Variants in NCOR1 observed in about 807,000 individuals in gnomAD.
NCOR1 encodes protein phosphatase 1, regulatory subunit 109.
A neutral mutation model predicts 288.1 loss-of-function variants in NCOR1; 63 were observed. The ratio of observed to expected loss-of-function variants is 0.22; its 90% CI spans 0.18 to 0.27. The LOEUF is 0.27. NCOR1 is among the 10% of genes least tolerant of loss of function. NCOR1 has a pLI of 1.00. For synonymous variants in NCOR1, 1,007 were observed against 1,065.9 expected (o/e 0.94, Z 1.08); for missense variants, 2,397 against 3,019.2 (o/e 0.79, Z 4.83).
At chr17:16,155,146 G>A (rs1242935720) in intron 6 of NCOR1, among the ~76,000 whole-genome samples, 1 of 152,118 alleles carries the variant, frequency 6.6e-6, no homozygotes, top group Non-Finnish European at 1.5e-5. Context: ...GAGTCCAGGA[G>A]TTCAAGACCA....
At chr17:16,158,225 C>T (rs530085350) in intron 6 of NCOR1, among the ~76,000 whole-genome samples, 13 of 152,280 alleles carry the variant, frequency 8.5e-5, no homozygotes, top group African/African-American at 2.6e-4. Flanking sequence ...CTACCCGCCT[C>T]GGCCTCCCAA....
intron 28 of NCOR1, 97 bp from the exon 29 acceptor site, chr17:16,072,325 T>C: frequency 2.3e-6 from 2 of 881,536 alleles, no homozygotes; most frequent in Non-Finnish European, 3.4e-6. Flanking sequence ...TTTTGATAAA[T>C]GCTCTATGAA....
At chr17:16,153,312 T>A (rs1400726504) in intron 7 of NCOR1, 27 bp downstream of exon 7, 1 of 1,495,426 alleles carries the variant, frequency 6.7e-7, no homozygotes, top group Non-Finnish European at 9.1e-7. Flanking sequence ...AAAAAAAAAA[T>A]CACTGGAAAT....
chr17:16,039,344 G>T, intron 44 of NCOR1, 89 bp downstream of exon 44: 1 of 1,248,850 alleles, frequency 8.0e-7, no homozygotes, highest in Non-Finnish European at 1.1e-6. Context: ...AGACATAAAT[G>T]AAATGTCTTA....
intron 41 of NCOR1, among the ~76,000 whole-genome samples, chr17:16,047,586 G>A (rs1036998575): frequency 4.6e-5 from 7 of 152,074 alleles, no homozygotes; most frequent in Non-Finnish European, 8.8e-5. Flanking sequence ...AACAGTATAG[G>A]AATAAAACTG....
chr17:16,151,455 GA>G (rs2078863150), intron 8 of NCOR1: 1 of 589,880 alleles, frequency 1.7e-6, no homozygotes, highest in Non-Finnish European at 2.7e-6. Context: ...AAGAGTCATG[GA>G]AGGGATTTCC....
intron 34 of NCOR1, among the ~76,000 whole-genome samples, 179 bp downstream of exon 34, chr17:16,064,691 C>T (rs1378181657): frequency 2.6e-5 from 4 of 151,914 alleles, no homozygotes; most frequent in Non-Finnish European, 5.9e-5. Context: ...ATAACATAAG[C>T]TTTTAAGGCA....
intron 14 of NCOR1, among the ~76,000 whole-genome samples, chr17:16,127,659 A>G (rs2074871467): frequency 2.0e-5 from 3 of 147,350 alleles, no homozygotes; most frequent in Non-Finnish European, 4.5e-5. Context: ...GTGTATATAT[A>G]CATATATGTA....
chr17:16,085,850 T>A (rs1024189615), intron 23 of NCOR1, among the ~76,000 whole-genome samples: 3 of 152,196 alleles, frequency 2.0e-5, no homozygotes, highest in Non-Finnish European at 4.4e-5. Context: ...CTCAATTTTT[T>A]AAAAAGTAAT....
At chr17:16,064,731 A>G (rs893422653) in intron 34 of NCOR1, 139 bp downstream of exon 34, 3 of 753,542 alleles carry the variant, frequency 4.0e-6, no homozygotes, top group African/African-American at 3.6e-5. Flanking sequence ...CAGCTGGCAC[A>G]TAAGAACTAC....
At chr17:16,035,474 C>T (rs1974194287) in intron 44 of NCOR1, among the ~76,000 whole-genome samples, 1 of 150,868 alleles carries the variant, frequency 6.6e-6, no homozygotes. Flanking sequence ...CAAGTTTGAT[C>T]ATGAGATTGC....
intron 23 of NCOR1, among the ~76,000 whole-genome samples, chr17:16,085,319 T>C (rs1288179268): frequency 6.6e-6 from 1 of 152,160 alleles, no homozygotes; most frequent in Non-Finnish European, 1.5e-5. Context: ...CAGCATAAAA[T>C]TGTAGAACCA....
intron 42 of NCOR1, among the ~76,000 whole-genome samples, chr17:16,043,623 C>T (rs892991257): frequency 6.6e-6 from 1 of 152,198 alleles, no homozygotes; most frequent in African/African-American, 2.4e-5. Context: ...TGGCATTTCC[C>T]TGTCAAAGAG....
chr17:16,126,024 A>C (rs1369363683), intron 15 of NCOR1, 58 bp downstream of exon 15: 2 of 916,852 alleles, frequency 2.2e-6, no homozygotes, highest in East Asian at 5.8e-5. Context: ...ATCTACAAAA[A>C]TAAAAATAAA....
rs79693855 is a variant in NCOR1, at chr17:16,071,517, C to T, written c.4044G>A (p.Gly1348=). The T allele has an allele frequency of 2.0e-3, 3,170 of 1,614,074 alleles. 52 individuals are homozygous for T. In the African/African-American group the frequency reaches 0.035, roughly 18 times the overall value. ...YDGITTIKEM[G]RSIHEIPRQD... The stretch of plus-strand genomic sequence containing the variant: ...GCCTTGGAATCTCATGAATGGAACG[C>T]CCCATTTCTTTGATGGTGGTGATGC... Residue 1348 remains glycine, a synonymous_variant, in exon 30 of 46, where the codon GGG becomes GGA. Transcript: ENST00000268712.
chr17:16,193,349 G>C (rs1035575987), intron 2 of NCOR1, among the ~76,000 whole-genome samples: 2 of 152,012 alleles, frequency 1.3e-5, no homozygotes, highest in Non-Finnish European at 2.9e-5. Flanking sequence ...TCCAGCCTCA[G>C]CCTCCCGAGT....
rs145662993 is a variant in NCOR1 at position 16,157,760 on chromosome 17, AACAG to A, written c.732+996_732+999del. Among the ~76,000 whole-genome samples the A allele has an allele frequency of 6.4e-3, 968 of 151,036 alleles. 18 individuals are homozygous for A. Among genetic ancestry groups the A allele is most frequent in the African/African-American group, 0.022 (899 of 41,478 alleles). ...GTGGACTTCTGGAAGCCCACTGTTAAACAGACACTTTCTTCATGTTGAGGTAAAA... is the reference window on the plus strand; with the variant it reads ...GTGGACTTCTGGAAGCCCACTGTTAAACACTTTCTTCATGTTGAGGTAAAA... On this transcript the variant is annotated intron_variant, in intron 6 of 45. Coordinates refer to ENST00000268712, the MANE Select transcript of NCOR1 (RefSeq NM_006311.4).
intron 4 of NCOR1, among the ~76,000 whole-genome samples, chr17:16,167,809 T>C (rs796266930): frequency 7.9e-6 from 1 of 126,014 alleles, no homozygotes; most frequent in African/African-American, 3.1e-5. Flanking sequence ...GCAGTGAGCA[T>C]AGATGGCACC....
intron 23 of NCOR1, among the ~76,000 whole-genome samples, chr17:16,083,013 T>C (rs978546642): frequency 6.6e-6 from 1 of 152,076 alleles, no homozygotes; most frequent in Admixed American, 6.6e-5. Flanking sequence ...AATTCACTAT[T>C]CAGTATTCCT....
Sources: gnomAD v4.1 joint callset for allele counts (sites outside exome capture counted in the v4.1 genomes callset) on GRCh38, gnomAD v4.1.1 for gene constraint, MANE v1.5 for transcripts, NCBI Gene and HGNC (gene_info 2026-07-23, HGNC 2026-07-21) for gene names.